Variants in CCSER1 observed in about 807,000 individuals in gnomAD.
CCSER1 encodes the protein serine-rich coiled-coil domain-containing protein 1.
CCSER1 carries 41 observed loss-of-function variants against 82.0 expected under a neutral mutation model. The ratio of observed to expected loss-of-function variants is 0.50; its 90% CI spans 0.39 to 0.65. The LOEUF (loss-of-function observed/expected upper bound fraction) is 0.65, where lower values mean the gene tolerates loss of function less well. CCSER1 is among the 30% of genes least tolerant of loss of function. CCSER1 has a pLI of 0.00. For missense variants in CCSER1, 1,119 were observed against 1,064.2 expected, an observed-to-expected ratio of 1.05 and a Z score of -0.72; for synonymous variants, 414 against 383.9, an observed-to-expected ratio of 1.08 and a Z score of -0.92.
chr4:91,251,988 G>A (rs879821201), intron 10 of CCSER1, among the ~76,000 whole-genome samples: 2 of 152,050 alleles, frequency 1.3e-5, no homozygotes, highest in Non-Finnish European at 2.9e-5. Flanking sequence ...CATCCAAGAA[G>A]CTCAATAAAC....
intron 5 of CCSER1, among the ~76,000 whole-genome samples, chr4:90,486,060 G>T (rs969861062): frequency 2.6e-5 from 4 of 152,062 alleles, no homozygotes; most frequent in Non-Finnish European, 4.4e-5. Context: ...ATCAACAATT[G>T]TAGATGTTCA....
intron 8 of CCSER1, among the ~76,000 whole-genome samples, chr4:90,843,086 A>T (rs1040145409): frequency 6.6e-6 from 1 of 152,184 alleles, no homozygotes; most frequent in African/African-American, 2.4e-5. Context: ...GGATGGTTTA[A>T]GGCCCAACTT....
chr4:91,256,549 T>C (rs1242949191), intron 10 of CCSER1, among the ~76,000 whole-genome samples: 2 of 152,184 alleles, frequency 1.3e-5, no homozygotes, highest in Admixed American at 1.3e-4. Context: ...TGACATGTGA[T>C]GTCTCCCAAG....
At chr4:90,315,142 G>A (rs937788978) in intron 3 of CCSER1, among the ~76,000 whole-genome samples, 2 of 151,996 alleles carry the variant, frequency 1.3e-5, no homozygotes, top group African/African-American at 2.4e-5. Flanking sequence ...GAGCCACCAC[G>A]CTCAGCCCTC....
At chr4:90,631,421 A>G (rs1394212547) in intron 6 of CCSER1, among the ~76,000 whole-genome samples, 1 of 152,192 alleles carries the variant, frequency 6.6e-6, no homozygotes, top group East Asian at 1.9e-4. Context: ...ATAAAGGTAC[A>G]CCTTTCTTGT....
intron 10 of CCSER1, among the ~76,000 whole-genome samples, chr4:91,397,423 G>A (rs868441068): frequency 6.6e-6 from 1 of 152,056 alleles, no homozygotes; most frequent in Non-Finnish European, 1.5e-5. Flanking sequence ...TTTTATGCGT[G>A]ACTCAGATGC....
In CCSER1 at chr4:91,563,676, C is replaced by T. The variant is rs143022470; in HGVS notation, c.2218-34896C>T. ...GCCTACTCTTGTCACTTCTGTTCAA[C>T]ATAGTACTTGACATCGTAACCAGAG... On this transcript the variant is annotated intron_variant, in intron 10 of 10. Coordinates refer to ENST00000509176, the MANE Select transcript of CCSER1 (RefSeq NM_001145065.2). Among the ~76,000 whole-genome samples the T allele has an allele frequency of 1.4e-3, 210 of 151,894 alleles. 1 individual carries two copies. Among genetic ancestry groups the T allele is most frequent in the African/African-American group, 4.8e-3 (199 of 41,506 alleles).
At chr4:90,321,028 A>C (rs1350557762) in intron 3 of CCSER1, among the ~76,000 whole-genome samples, 1 of 152,154 alleles carries the variant, frequency 6.6e-6, no homozygotes, top group African/African-American at 2.4e-5. Context: ...TAATTGGGTT[A>C]TCTATCACCT....
In CCSER1 at chr4:90,177,388, C is replaced by T. The variant is rs79822831; in HGVS notation, c.-42+49557C>T. Reference sequence around the variant, plus strand: ...TGAAAGATTCCTTAGACACTTTAAGCGGTTTTACCATAGGATAAATGGACT... The same window carrying T: ...TGAAAGATTCCTTAGACACTTTAAGTGGTTTTACCATAGGATAAATGGACT... On this transcript the variant is annotated intron_variant, in intron 1 of 10. Coordinates refer to ENST00000509176, the MANE Select transcript of CCSER1 (RefSeq NM_001145065.2). 2.3e-3 allele frequency among the ~76,000 whole-genome samples: 346 copies of T among 152,126 alleles called. 5 individuals are homozygous for T. The South Asian group carries it at 0.031, about 13-fold the overall frequency.
At chr4:90,965,290 T>G (rs908544406) in intron 9 of CCSER1, among the ~76,000 whole-genome samples, 20 of 152,072 alleles carry the variant, frequency 1.3e-4, no homozygotes, top group Non-Finnish European at 2.6e-4. Flanking sequence ...TAAAAAGGCT[T>G]CTTATAAATT....
chr4:91,027,562 AAATAT>A (rs1295542510), intron 9 of CCSER1, among the ~76,000 whole-genome samples: 1 of 152,044 alleles, frequency 6.6e-6, no homozygotes, highest in East Asian at 1.9e-4. Flanking sequence ...GGGGCACAGT[AAATAT>A]AATTTGGGCT....
At chr4:91,230,965 A>G (rs1560532130) in intron 10 of CCSER1, among the ~76,000 whole-genome samples, 1 of 151,898 alleles carries the variant, frequency 6.6e-6, no homozygotes, top group Non-Finnish European at 1.5e-5. Context: ...TAATATTAAT[A>G]TGTCTGTTAG....
chr4:90,180,813 G>T (rs1191648982), intron 1 of CCSER1, among the ~76,000 whole-genome samples: 1 of 152,048 alleles, frequency 6.6e-6, no homozygotes, highest in Non-Finnish European at 1.5e-5. Flanking sequence ...ATATTTCATG[G>T]CTTCGACAAC....
chr4:90,873,909 A>C (rs1262737154), intron 8 of CCSER1, among the ~76,000 whole-genome samples: 1 of 152,156 alleles, frequency 6.6e-6, no homozygotes, highest in Non-Finnish European at 1.5e-5. Flanking sequence ...ATTTATCAAA[A>C]TGCATGATTT....
At chr4:91,022,946 C>T (rs900845394) in intron 9 of CCSER1, among the ~76,000 whole-genome samples, 1 of 152,070 alleles carries the variant, frequency 6.6e-6, no homozygotes, top group African/African-American at 2.4e-5. Context: ...AAAATTTTCT[C>T]CCATTCTGTA....
At chr4:91,457,135 C>T (rs771776594) in intron 10 of CCSER1, among the ~76,000 whole-genome samples, 9 of 152,050 alleles carry the variant, frequency 5.9e-5, no homozygotes, top group African/African-American at 9.7e-5. Context: ...AATGGCTACA[C>T]GTCTCCCATT....
intron 10 of CCSER1, among the ~76,000 whole-genome samples, chr4:91,424,816 T>C (rs1027124577): frequency 1.3e-5 from 2 of 152,102 alleles, no homozygotes; most frequent in South Asian, 4.1e-4. Context: ...AGGTGATTAA[T>C]AGCTATTGTT....
intron 10 of CCSER1, among the ~76,000 whole-genome samples, chr4:91,584,594 G>A (rs1038689602): frequency 6.6e-6 from 1 of 151,412 alleles, no homozygotes; most frequent in Non-Finnish European, 1.5e-5. Context: ...GGAAATACTA[G>A]TAAAAGTTTT....
intron 10 of CCSER1, among the ~76,000 whole-genome samples, chr4:91,305,236 T>C (rs928288505): frequency 1.3e-5 from 2 of 152,046 alleles, no homozygotes; most frequent in Non-Finnish European, 2.9e-5. Flanking sequence ...CAATTTAACA[T>C]TTCATTCATT....
Sources: gnomAD v4.1 joint callset for allele counts (sites outside exome capture counted in the v4.1 genomes callset) on GRCh38, gnomAD v4.1.1 for gene constraint, MANE v1.5 for transcripts, NCBI Gene and HGNC (gene_info 2026-07-23, HGNC 2026-07-21) for gene names.